The following KLHL13 variants were observed in gnomAD, a reference collection of about 807,000 sequenced individuals.
KLHL13 encodes the protein kelch like family member 13, also known as kelch-like protein 13.
In KLHL13, 10 loss-of-function variants were observed where a neutral mutation model predicts 37.1. The observed-to-expected ratio is 0.27, with a 90% CI of 0.17 to 0.46. KLHL13 has a LOEUF of 0.46. Among genes scored for constraint, KLHL13 ranks in the 20% least tolerant of loss-of-function variants. KLHL13 has a pLI of 1.00. For synonymous variants in KLHL13, 163 were observed against 181.2 expected, an observed-to-expected ratio of 0.90 and a Z score of 0.81; for missense variants, 360 against 509.3, an observed-to-expected ratio of 0.71 and a Z score of 2.82.
At chrX:117,929,581 T>A (rs1248042406) in intron 2 of KLHL13, among the ~76,000 whole-genome samples, 1 of 110,021 alleles carries the variant, frequency 9.1e-6, no homozygotes, top group Non-Finnish European at 1.9e-5. Flanking sequence ...AATGCTAAGA[T>A]CATTTCTTAA....
At chrX:117,898,801 T>C (rs1929891987) in exon 7 of KLHL13, 1 of 867,600 alleles carries the variant, frequency 1.2e-6, no homozygotes, top group Admixed American at 3.1e-5. Context: ...TCTGTATCAA[T>C]TACCAGAGGG....
intron 1 of KLHL13, among the ~76,000 whole-genome samples, chrX:118,047,704 T>C (rs967793830): frequency 8.9e-6 from 1 of 112,052 alleles, no homozygotes; most frequent in Non-Finnish European, 1.9e-5. Flanking sequence ...CACATGTGCA[T>C]GCACATGCAC....
upstream of KLHL13, chrX:117,973,816 ACCAC>A: frequency 1.8e-6 from 1 of 544,682 alleles, no homozygotes; most frequent in Non-Finnish European, 2.1e-6. Context: ...CCTCTTGTTC[ACCAC>A]CCCCCCCACT....
chrX:118,089,605 AG>A (rs1569313780), intron 1 of KLHL13, among the ~76,000 whole-genome samples: 13 of 85,019 alleles, frequency 1.5e-4, no homozygotes, highest in African/African-American at 4.2e-4. Flanking sequence ...AGAGAGAGAG[AG>A]AGAGAGAAAG....
intron 1 of KLHL13, among the ~76,000 whole-genome samples, chrX:118,077,675 T>A (rs775556015): frequency 1.4e-4 from 15 of 110,639 alleles, no homozygotes; most frequent in Non-Finnish European, 2.1e-4. Flanking sequence ...TTGCTTCTGT[T>A]TGGGGACACC....
At chrX:118,091,958 G>A (rs765451569) in intron 1 of KLHL13, among the ~76,000 whole-genome samples, 1 of 112,107 alleles carries the variant, frequency 8.9e-6, no homozygotes, top group South Asian at 3.7e-4. Context: ...ACTCAGGAAT[G>A]GAAAACCACC....
At chrX:117,983,548 G>C in intron 1 of KLHL13, 1 of 1,131,544 alleles carries the variant, frequency 8.8e-7, no homozygotes, top group Non-Finnish European at 1.2e-6. Context: ...TCCGTCTCCT[G>C]AAAGTGGAGT....
intron 1 of KLHL13, among the ~76,000 whole-genome samples, chrX:118,103,558 GA>G (rs1301233830): frequency 1.8e-5 from 2 of 111,831 alleles, no homozygotes; most frequent in Non-Finnish European, 3.8e-5. Context: ...ATTGTAAGAA[GA>G]AAAAGAGAGC....
chrX:117,967,519 G>T (rs1213516662), intron 1 of KLHL13, among the ~76,000 whole-genome samples: 1 of 111,559 alleles, frequency 9.0e-6, no homozygotes, highest in Admixed American at 9.6e-5. Context: ...ATGGTATGGA[G>T]ATATGAAATT....
intron 1 of KLHL13, among the ~76,000 whole-genome samples, chrX:118,031,504 T>G (rs1310245090): frequency 2.1e-5 from 2 of 94,125 alleles, no homozygotes; most frequent in Non-Finnish European, 4.0e-5. Flanking sequence ...TAGATATATA[T>G]ATATACACAC....
At chrX:118,045,144 C>T (rs1025544808) in intron 1 of KLHL13, among the ~76,000 whole-genome samples, 1 of 110,464 alleles carries the variant, frequency 9.1e-6, no homozygotes, top group Non-Finnish European at 1.9e-5. Flanking sequence ...GAGGCCAAGG[C>T]AGGCAGATCA....
chrX:117,954,494 C>T (rs192980638), intron 1 of KLHL13, among the ~76,000 whole-genome samples: 360 of 111,815 alleles, frequency 3.2e-3, no homozygotes, highest in South Asian at 6.7e-3. Context: ...ATTCTATTTT[C>T]TGAATGAGAT....
intron 2 of KLHL13, among the ~76,000 whole-genome samples, chrX:117,934,695 T>C (rs1932687026): frequency 9.1e-6 from 1 of 110,036 alleles, no homozygotes; most frequent in African/African-American, 3.3e-5. Flanking sequence ...TAATATAATA[T>C]ATATGTGTGT....
chrX:117,935,541 C>T (rs1932734094), intron 2 of KLHL13, among the ~76,000 whole-genome samples: 1 of 111,847 alleles, frequency 8.9e-6, no homozygotes, highest in African/African-American at 3.3e-5. Flanking sequence ...ACAGGCTATA[C>T]AGGAAGCATG....
chrX:118,060,268 G>A (rs924327499), intron 1 of KLHL13, among the ~76,000 whole-genome samples: 1 of 111,652 alleles, frequency 9.0e-6, no homozygotes, highest in Admixed American at 9.5e-5. Flanking sequence ...GAGGCACAAT[G>A]AGGGTAATCC....
intron 1 of KLHL13, among the ~76,000 whole-genome samples, chrX:118,024,775 T>C (rs541391641): frequency 3.6e-5 from 4 of 111,975 alleles, no homozygotes; most frequent in African/African-American, 1.3e-4. Flanking sequence ...GGTGGGAGTA[T>C]AAAATGGTAC....
intron 1 of KLHL13, among the ~76,000 whole-genome samples, chrX:117,964,957 T>C (rs750906796): frequency 3.6e-5 from 4 of 112,118 alleles, no homozygotes; most frequent in East Asian, 5.6e-4. Context: ...ATGGTGTATA[T>C]GTGCCACATT....
chrX:118,004,929 G>A (rs1334898017), intron 1 of KLHL13, among the ~76,000 whole-genome samples: 2 of 111,375 alleles, frequency 1.8e-5, no homozygotes, highest in South Asian at 3.8e-4. Context: ...GAAAACTGAG[G>A]GACATTCTGC....
At chrX:117,967,333 T>A (rs1394183629) in intron 1 of KLHL13, among the ~76,000 whole-genome samples, 1 of 111,888 alleles carries the variant, frequency 8.9e-6, no homozygotes, top group Admixed American at 9.6e-5. Context: ...TTATCATGTA[T>A]GTTGTTTGTA....
Sources: gnomAD v4.1 joint callset for allele counts (sites outside exome capture counted in the v4.1 genomes callset) on GRCh38, gnomAD v4.1.1 for gene constraint, MANE v1.5 for transcripts, NCBI Gene and HGNC (gene_info 2026-07-23, HGNC 2026-07-21) for gene names.